The following ASMTL variants were observed in gnomAD, a reference collection of about 807,000 sequenced individuals.
ASMTL encodes acetylserotonin O-methyltransferase like.
In ASMTL, 57 loss-of-function variants were observed where a neutral mutation model predicts 60.3. The observed-to-expected ratio is 0.95, with a 90% confidence interval of 0.76 to 1.18. The LOEUF is 1.18. Among genes scored for constraint, ASMTL ranks in the 50% most tolerant of loss-of-function variants. The pLI is 0.00. For missense variants in ASMTL, 981 were observed against 852.6 expected, an observed-to-expected ratio of 1.15 and a Z score of -1.88; for synonymous variants, 419 against 373.0, an observed-to-expected ratio of 1.12 and a Z score of -1.42.
chrX:1,435,548 T>C (rs866291014), intron 4 of ASMTL, 146 bp downstream of exon 4: 6 of 757,292 alleles, frequency 7.9e-6, no homozygotes, highest in Admixed American at 2.1e-5. Flanking sequence ...CCTCCCTGCA[T>C]AGCTCAGACA....
intron 6 of ASMTL, chrX:1,431,972 C>G (rs1192773938): frequency 4.3e-6 from 2 of 463,546 alleles, no homozygotes; most frequent in Non-Finnish European, 7.8e-6. Flanking sequence ...CTGGGGTCTC[C>G]TCCTCCCACC....
At chrX:1,406,723 GATTA>G (rs2089864051) in intron 12 of ASMTL, among the ~76,000 whole-genome samples, 3 of 150,508 alleles carry the variant, frequency 2.0e-5, no homozygotes, top group East Asian at 1.9e-4. Context: ...GAGATGGATG[GATTA>G]GTGAATAGAT....
At chrX:1,452,926 C>T (rs1170828946), upstream of ASMTL, 2 of 1,114,312 alleles carry the variant, frequency 1.8e-6, no homozygotes, top group South Asian at 1.6e-5. Flanking sequence ...AAACAGGCGG[C>T]CAGAGTCCCG....
chrX:1,435,834 G>A (rs1444809695), intron 3 of ASMTL, 76 bp from the exon 4 acceptor site: 26 of 1,246,864 alleles, frequency 2.1e-5, no homozygotes, highest in African/African-American at 9.0e-5. Flanking sequence ...GGTCCCATTC[G>A]CAGAAGTCAC....
chrX:1,429,662 C>T (rs1401879987), intron 6 of ASMTL, among the ~76,000 whole-genome samples: 1 of 151,696 alleles, frequency 6.6e-6, no homozygotes, highest in East Asian at 2.0e-4. Context: ...CCAGGCGTGG[C>T]GGTGGGTGCC....
intron 12 of ASMTL, among the ~76,000 whole-genome samples, chrX:1,404,718 A>G (rs1173901904): frequency 1.1e-4 from 17 of 150,578 alleles, no homozygotes; most frequent in South Asian, 2.1e-4. Context: ...AGATGGATGC[A>G]TGGATGAGAT....
intron 9 of ASMTL, among the ~76,000 whole-genome samples, chrX:1,420,773 T>G (rs1181223327): frequency 1.3e-5 from 2 of 152,154 alleles, no homozygotes; most frequent in Non-Finnish European, 2.9e-5. Flanking sequence ...GGGCATTCAT[T>G]TAAGGCAGCC....
intron 1 of ASMTL, among the ~76,000 whole-genome samples, chrX:1,451,861 G>C (rs1181200876): frequency 3.6e-5 from 5 of 139,258 alleles, no homozygotes; most frequent in Non-Finnish European, 7.8e-5. Flanking sequence ...TGGGGCTCCG[G>C]GGTCACTCTG....
intron 12 of ASMTL, among the ~76,000 whole-genome samples, chrX:1,404,843 G>A (rs1162737052): frequency 6.6e-6 from 1 of 151,988 alleles, no homozygotes; most frequent in Non-Finnish European, 1.5e-5. Flanking sequence ...CTGATGGATA[G>A]GTAGGAAGAT....
chrX:1,410,863 C>G (rs774704163), intron 12 of ASMTL, among the ~76,000 whole-genome samples: 18 of 151,700 alleles, frequency 1.2e-4, no homozygotes, highest in African/African-American at 3.9e-4. Context: ...GCACACCAGC[C>G]TGGGCAGCAG....
In ASMTL at chrX:1,435,732, C is replaced by T; in HGVS notation, c.300G>A (p.Lys100=). ...IVTVGGLILE[K]PVDKQDAYRM... is the part of the protein sequence containing the mutation. ...TGTAGGCGTCCTGCTTGTCCACCGG[C>T]TTCTCCAGAATCAGCCCCCCGACTG... The change falls in exon 4 of 13, where the codon AAG becomes AAA. Residue 100 remains lysine (K), a synonymous_variant. Coordinates refer to ENST00000381317, the MANE Select transcript of ASMTL (RefSeq NM_004192.4). 3.1e-6 allele frequency: 5 copies of T among 1,613,628 alleles called. No homozygotes were observed. The highest frequency in any genetic ancestry group is 4.2e-6 in the Non-Finnish European group (5 of 1,179,796).
chrX:1,452,189 G>C (rs1410765927), intron 1 of ASMTL, among the ~76,000 whole-genome samples: 2 of 143,052 alleles, frequency 1.4e-5, no homozygotes, highest in Non-Finnish European at 3.0e-5. Context: ...GGGGGTCTCG[G>C]CTTACTCTCC....
chrX:1,431,581 G>T (rs1404666241), intron 6 of ASMTL, among the ~76,000 whole-genome samples: 2 of 140,672 alleles, frequency 1.4e-5, no homozygotes, highest in African/African-American at 5.2e-5. Flanking sequence ...ATGTAATATA[G>T]TATACATATT....
At position 1,421,994 on chromosome X, in the gene ASMTL, A is replaced by C. The variant is rs1327765693; in HGVS notation, c.1061-152T>G. On this transcript the variant is annotated intron_variant, in intron 8 of 12. Transcript: ENST00000381317. ...AAGGAAACCTGACCATAGGGGATGC[A>C]TCATTGAGATGTTAAAATAAACATC... 4.2e-6 allele frequency: 3 copies of C among 716,916 alleles called. No homozygotes were observed. In the Admixed American group the frequency reaches 7.0e-5, roughly 17 times the overall value. 44.4% of individuals were successfully genotyped at this position (716,916 alleles called of 1,614,324 possible).
At chrX:1,419,266 T>C (rs1429769173) in intron 9 of ASMTL, 152 bp from the exon 10 acceptor site, 2 of 827,152 alleles carry the variant, frequency 2.4e-6, no homozygotes, top group Admixed American at 2.5e-5. Context: ...GCCACAGCTG[T>C]GTGGGCTACT....
At chrX:1,404,750 G>A (rs1385657395) in intron 12 of ASMTL, among the ~76,000 whole-genome samples, 1 of 150,000 alleles carries the variant, frequency 6.7e-6, no homozygotes, top group South Asian at 2.1e-4. Context: ...TGAATAGATG[G>A]TACATGATGG....
rs1216660447 is a variant in ASMTL at position 1,432,001 on chromosome X, C to G, written c.509+268G>C. On this transcript the variant is annotated intron_variant, in intron 6 of 12. Transcript: ENST00000381317. ...TCCCACCACGTGAACTCCTCTACCC[C>G]TGCCCAGCGCCTCCCCAGTCCCCAC... The G allele has an allele frequency of 1.7e-5, 9 of 544,438 alleles. No individual in the cohort carries two copies. The African/African-American group carries it at 1.7e-4, about 10-fold the overall frequency. The allele number at this position is 544,438 out of a possible 1,614,324, so 33.7% of individuals were successfully genotyped here.
At chrX:1,418,265 G>A (rs769928068) in intron 10 of ASMTL, 149 bp from the exon 11 acceptor site, 21 of 862,638 alleles carry the variant, frequency 2.4e-5, no homozygotes, top group South Asian at 3.6e-5. Flanking sequence ...GAGCTCGCTG[G>A]TATCCCAGAC....
At chrX:1,416,364 G>T (rs1317357774) in intron 11 of ASMTL, among the ~76,000 whole-genome samples, 3 of 110,526 alleles carry the variant, frequency 2.7e-5, no homozygotes, top group Non-Finnish European at 5.9e-5. Context: ...GGCACACACA[G>T]ACGCAGACAT....
Sources: allele counts gnomAD v4.1 joint callset (sites outside exome capture counted in the v4.1 genomes callset), GRCh38; gene constraint gnomAD v4.1.1; transcripts MANE v1.5; gene names NCBI Gene and HGNC (gene_info 2026-07-23, HGNC 2026-07-21).